The following RNGTT variants were observed in gnomAD, a reference collection of about 807,000 sequenced individuals.
RNGTT encodes RNA guanylyltransferase and 5'-phosphatase.
Under a neutral mutation model 79.3 loss-of-function variants are expected in RNGTT, and 33 were observed. The ratio of observed to expected loss-of-function variants is 0.42; its 90% CI spans 0.32 to 0.56. RNGTT has a LOEUF of 0.56. Ranked by LOEUF, RNGTT falls within the 20% of genes least tolerant of loss-of-function variation. The probability of loss-of-function intolerance (pLI) is 0.17; values close to 1 mark genes in which losing one functional copy is unlikely to be tolerated. For missense variants in RNGTT, 497 were observed against 739.1 expected, an observed-to-expected ratio of 0.67 and a Z score of 3.80; for synonymous variants, 222 against 235.9, an observed-to-expected ratio of 0.94 and a Z score of 0.54.
intron 12 of RNGTT, among the ~76,000 whole-genome samples, chr6:88,783,764 A>G (rs1359385141): frequency 6.1e-5 from 9 of 148,188 alleles, no homozygotes; most frequent in Non-Finnish European, 1.4e-4. Flanking sequence ...TGTTCCGTGC[A>G]ATGTAGGAGG....
intron 13 of RNGTT, among the ~76,000 whole-genome samples, chr6:88,728,083 C>T (rs1173840915): frequency 6.6e-6 from 1 of 152,202 alleles, no homozygotes; most frequent in African/African-American, 2.4e-5. Flanking sequence ...CCTCCAGGGT[C>T]ATGGGCCATA....
At chr6:88,728,723 C>T (rs1777004797) in intron 13 of RNGTT, among the ~76,000 whole-genome samples, 1 of 152,052 alleles carries the variant, frequency 6.6e-6, no homozygotes. Context: ...TTCTTTAATC[C>T]CCCGCTGCCT....
chr6:88,618,550 T>C (rs1253451358), intron 14 of RNGTT, among the ~76,000 whole-genome samples: 1 of 152,136 alleles, frequency 6.6e-6, no homozygotes, highest in East Asian at 1.9e-4. Context: ...AATGAGACCT[T>C]GAAAGTAAAA....
intron 11 of RNGTT, among the ~76,000 whole-genome samples, chr6:88,807,163 T>C (rs1779986135): frequency 6.6e-6 from 1 of 152,180 alleles, no homozygotes; most frequent in Non-Finnish European, 1.5e-5. Context: ...GGTGACGGCA[T>C]GATCTGTGCA....
chr6:88,862,945 T>C (rs1348417205), intron 8 of RNGTT, among the ~76,000 whole-genome samples: 1 of 152,190 alleles, frequency 6.6e-6, no homozygotes, highest in Non-Finnish European at 1.5e-5. Flanking sequence ...ATTCTGTAAG[T>C]ACAGCAGGCC....
intron 11 of RNGTT, among the ~76,000 whole-genome samples, chr6:88,829,322 T>C (rs966463313): frequency 6.6e-6 from 1 of 152,062 alleles, no homozygotes; most frequent in Non-Finnish European, 1.5e-5. Context: ...GACAAGCAAA[T>C]GCTGAGAGAT....
At chr6:88,829,201 C>G (rs540298346) in intron 11 of RNGTT, among the ~76,000 whole-genome samples, 5 of 152,148 alleles carry the variant, frequency 3.3e-5, no homozygotes, top group Non-Finnish European at 5.9e-5. Flanking sequence ...TGCAGAAACC[C>G]TACAAGCCAG....
In RNGTT at chr6:88,616,570, T is replaced by C. The variant is rs936981318; in HGVS notation, c.1507-2175A>G. Among the ~76,000 whole-genome samples, 4 of 152,176 alleles carry C rather than the reference T, an allele frequency of 2.6e-5. No homozygotes were observed. The South Asian group carries it at 8.3e-4, about 32-fold the overall frequency. On this transcript the variant is annotated intron_variant, in intron 14 of 15. Coordinates refer to ENST00000369485, the MANE Select transcript of RNGTT (RefSeq NM_003800.5). The stretch of plus-strand genomic sequence containing the variant: ...GTTTACTGTGCTCTAATTTAAACTT[T>C]TTGTTCTTTCATAGTGGCCATCCTG...
chr6:88,853,591 C>A, intron 9 of RNGTT, 38 bp downstream of exon 9: 2 of 1,338,898 alleles, frequency 1.5e-6, no homozygotes, highest in South Asian at 1.4e-5. Flanking sequence ...AGAAAAATGG[C>A]AATGTTTAAT....
intron 11 of RNGTT, among the ~76,000 whole-genome samples, chr6:88,820,566 C>T (rs1425508193): frequency 6.6e-6 from 1 of 152,142 alleles, no homozygotes; most frequent in African/African-American, 2.4e-5. Flanking sequence ...AACTAATAAG[C>T]AATTATAGCC....
intron 14 of RNGTT, among the ~76,000 whole-genome samples, chr6:88,666,540 A>C (rs1479536900): frequency 2.6e-5 from 4 of 152,260 alleles, no homozygotes; most frequent in African/African-American, 7.2e-5. Context: ...CTGCTCTGTG[A>C]AAATCCCCAT....
intron 11 of RNGTT, among the ~76,000 whole-genome samples, chr6:88,823,504 T>C (rs1262465683): frequency 6.6e-6 from 1 of 151,172 alleles, no homozygotes; most frequent in Non-Finnish European, 1.5e-5. Flanking sequence ...TGGGAGAATA[T>C]ATCAGAAAAA....
intron 1 of RNGTT, among the ~76,000 whole-genome samples, chr6:88,951,759 A>G (rs532982523): frequency 6.6e-6 from 1 of 152,280 alleles, no homozygotes; most frequent in South Asian, 2.1e-4. Context: ...AGAGCCTTGT[A>G]GGCACTCCCA....
At chr6:88,854,856 T>G (rs1399152477) in intron 8 of RNGTT, among the ~76,000 whole-genome samples, 2 of 152,200 alleles carry the variant, frequency 1.3e-5, no homozygotes, top group Non-Finnish European at 2.9e-5. Flanking sequence ...AAAGTCCAGA[T>G]GGACTGATGT....
At chr6:88,907,735 CTTTT>C (rs34378893) in intron 4 of RNGTT, among the ~76,000 whole-genome samples, 4 of 125,448 alleles carry the variant, frequency 3.2e-5, no homozygotes, top group Admixed American at 1.6e-4. Context: ...TAAGCTGTAT[CTTTT>C]TTTTTTTTTT....
intron 13 of RNGTT, among the ~76,000 whole-genome samples, chr6:88,713,053 T>A (rs1776372419): frequency 6.6e-6 from 1 of 152,096 alleles, no homozygotes; most frequent in Non-Finnish European, 1.5e-5. Flanking sequence ...AGAAACTATA[T>A]CTATATGTTA....
At chr6:88,714,862 C>A (rs911495947) in intron 13 of RNGTT, among the ~76,000 whole-genome samples, 1 of 152,136 alleles carries the variant, frequency 6.6e-6, no homozygotes, top group Non-Finnish European at 1.5e-5. Flanking sequence ...CAATATCATA[C>A]TGAATGGGCA....
intron 14 of RNGTT, among the ~76,000 whole-genome samples, chr6:88,640,950 A>G (rs892511637): frequency 2.0e-5 from 3 of 152,158 alleles, no homozygotes; most frequent in African/African-American, 7.2e-5. Context: ...TTATTTTCAT[A>G]CCTAATAATG....
chr6:88,963,576 TC>T lies in RNGTT; in HGVS notation c.-168del. 1.7e-6 allele frequency: 1 copy of T among 577,746 alleles called. No homozygotes were observed. The highest frequency in any genetic ancestry group is 2.9e-6 in the Non-Finnish European group (1 of 344,578). The allele number at this position is 577,746 out of a possible 1,614,324, so 35.8% of individuals were successfully genotyped here. A position where few individuals can be genotyped will look rare whatever the true frequency, so the allele number is the denominator to read the frequency against. On this transcript the variant is annotated 5_prime_UTR_variant, in exon 1 of 16. It removes an upstream start codon present in the reference 5' UTR. Transcript: ENST00000369485. Reference sequence around the variant, plus strand: ...TAACGTCAGGGGCGGCGCGCCACTTTCATTCAGGATCAACTCCACAGCTCCA... The same window carrying T: ...TAACGTCAGGGGCGGCGCGCCACTTTATTCAGGATCAACTCCACAGCTCCA...
Sources: gnomAD v4.1 joint callset for allele counts (sites outside exome capture counted in the v4.1 genomes callset) on GRCh38, gnomAD v4.1.1 for gene constraint, MANE v1.5 for transcripts, NCBI Gene and HGNC (gene_info 2026-07-23, HGNC 2026-07-21) for gene names.